Variants in THOC5 observed in about 807,000 individuals in gnomAD.
THOC5 encodes the protein Fms-interacting protein.
THOC5 carries 43 observed loss-of-function variants against 92.9 expected under a neutral mutation model. The observed-to-expected ratio is 0.46, with a 90% CI of 0.36 to 0.60. The LOEUF (loss-of-function observed/expected upper bound fraction) is 0.60, where lower values mean the gene tolerates loss of function less well. Ranked by LOEUF, THOC5 falls within the 20% of genes least tolerant of loss-of-function variation. The pLI is 0.00. For synonymous variants in THOC5, 296 were observed against 320.1 expected (o/e 0.92, Z 0.80); for missense variants, 659 against 849.4 (o/e 0.78, Z 2.79).
intron 12 of THOC5, among the ~76,000 whole-genome samples, chr22:29,521,378 C>A (rs2063438360): frequency 6.6e-6 from 1 of 152,076 alleles, no homozygotes; most frequent in Non-Finnish European, 1.5e-5. Context: ...CTAGAGGTGG[C>A]TTTATATTGT....
intron 5 of THOC5, among the ~76,000 whole-genome samples, chr22:29,540,983 G>A (rs1255764226): frequency 1.3e-5 from 2 of 152,096 alleles, no homozygotes; most frequent in Non-Finnish European, 2.9e-5. Context: ...TTGGGAGGTC[G>A]AAATGGGTGC....
At chr22:29,524,237 A>AC (rs1178873021) in intron 12 of THOC5, among the ~76,000 whole-genome samples, 1 of 152,156 alleles carries the variant, frequency 6.6e-6, no homozygotes, top group African/African-American at 2.4e-5. Flanking sequence ...CCTTGAGGCT[A>AC]CCCCTTAACT....
intron 8 of THOC5, 170 bp downstream of exon 8, chr22:29,531,661 G>C: frequency 7.2e-7 from 1 of 1,397,304 alleles, no homozygotes; most frequent in Non-Finnish European, 9.3e-7. Flanking sequence ...CCTTAGGCCA[G>C]CTGGTCAGAG....
chr22:29,524,757 C>CT (rs1195909568), intron 12 of THOC5, among the ~76,000 whole-genome samples: 2 of 152,092 alleles, frequency 1.3e-5, no homozygotes, highest in Admixed American at 6.6e-5. Context: ...GATGTGGACT[C>CT]TAAGGGCAGT....
chr22:29,512,148 GGA>G lies in THOC5; in HGVS notation c.1682-14_1682-13del, dbSNP rs1422520629. 1.5e-5 allele frequency: 24 copies of G among 1,610,364 alleles called. No homozygotes were observed. The highest frequency in any genetic ancestry group is 2.2e-5 in the South Asian group (2 of 91,002). ...GGCCTGCAGTTTGGCTGGGAAGAGA[GGA>G]GAGAGGGGAAATGCGCAGTTCTAAG... is the stretch of plus-strand genomic sequence containing the variant. On this transcript the variant is annotated splice_polypyrimidine_tract_variant and intron_variant, in intron 17 of 19. Transcript: ENST00000490103.
intron 1 of THOC5, among the ~76,000 whole-genome samples, chr22:29,552,531 G>T (rs2064182372): frequency 6.8e-6 from 1 of 147,384 alleles, no homozygotes; most frequent in Admixed American, 6.7e-5. Context: ...CCGGGAGGTG[G>T]GGGGCAGCCC....
intron 5 of THOC5, among the ~76,000 whole-genome samples, chr22:29,542,094 C>A (rs1284623631): frequency 6.6e-6 from 1 of 151,696 alleles, no homozygotes; most frequent in African/African-American, 2.4e-5. Flanking sequence ...AGGACACTGA[C>A]AAACTGTAGT....
intron 7 of THOC5, among the ~76,000 whole-genome samples, chr22:29,534,156 C>T (rs1029509021): frequency 6.6e-6 from 1 of 152,266 alleles, no homozygotes; most frequent in East Asian, 1.9e-4. Flanking sequence ...AAACATACTG[C>T]TGAACAAAAG....
At chr22:29,518,562 TG>T (rs2063377519) in intron 15 of THOC5, among the ~76,000 whole-genome samples, 1 of 152,190 alleles carries the variant, frequency 6.6e-6, no homozygotes, top group Admixed American at 6.5e-5. Context: ...AGTTGCTCCC[TG>T]GATAGCTATA....
chr22:29,536,429 A>G (rs2063761327), intron 7 of THOC5, 195 bp downstream of exon 7: 1 of 574,650 alleles, frequency 1.7e-6, no homozygotes, highest in East Asian at 2.8e-5. Context: ...CAATGTGTGT[A>G]TATATTCCTG....
intron 12 of THOC5, 106 bp from the exon 13 acceptor site, chr22:29,521,205 G>A (rs1300996664): frequency 2.5e-6 from 2 of 800,750 alleles, no homozygotes; most frequent in African/African-American, 3.4e-5. Flanking sequence ...GATGACCAAT[G>A]CCACCATTTA....
chr22:29,533,922 T>TA (rs2063703729), intron 7 of THOC5, among the ~76,000 whole-genome samples: 1 of 152,174 alleles, frequency 6.6e-6, no homozygotes, highest in Non-Finnish European at 1.5e-5. Flanking sequence ...TAGAAAACTG[T>TA]TTCAGTGTCT....
At chr22:29,540,486 C>G (rs1014062935) in intron 5 of THOC5, among the ~76,000 whole-genome samples, 1 of 152,116 alleles carries the variant, frequency 6.6e-6, no homozygotes, top group African/African-American at 2.4e-5. Flanking sequence ...GCAGCTTGCC[C>G]AAGGTCCACA....
At chr22:29,522,352 T>C (rs566561682) in intron 12 of THOC5, among the ~76,000 whole-genome samples, 1 of 150,820 alleles carries the variant, frequency 6.6e-6, no homozygotes, top group East Asian at 2.0e-4. Context: ...AGAGCGAGAC[T>C]CTGTCTCAAA....
At chr22:29,522,882 T>A (rs1343204209) in intron 12 of THOC5, among the ~76,000 whole-genome samples, 1 of 152,130 alleles carries the variant, frequency 6.6e-6, no homozygotes, top group Non-Finnish European at 1.5e-5. Context: ...GCGCCTGTAG[T>A]CCCAGCTACT....
Position 29,517,072 on chromosome 22 carries a change from C to T in THOC5, c.1638G>A (p.Gly546=). 5 of 1,614,090 alleles carry T rather than the reference C, an allele frequency of 3.1e-6. No homozygotes were observed. Among genetic ancestry groups the T allele is most frequent in the South Asian group, 1.1e-5 (1 of 91,074 alleles). Residue 546 remains glycine (G), a synonymous_variant, in exon 17 of 20, where the codon GGG becomes GGA. Coordinates refer to ENST00000490103, the MANE Select transcript of THOC5 (RefSeq NM_003678.5). The part of the protein sequence containing the change: ...TKDIVDAGLA[G]DTNLYYMALI... ...GCGCCATGTAGTAGAGATTGGTGTC[C>T]CCAGCCAGTCCCGCATCCACAATGT...
At chr22:29,544,330 C>A in intron 3 of THOC5, 130 bp downstream of exon 3, 1 of 891,606 alleles carries the variant, frequency 1.1e-6, no homozygotes, top group South Asian at 3.0e-5. Context: ...GTTTTGGGAG[C>A]CCTCAGGCTC....
intron 5 of THOC5, among the ~76,000 whole-genome samples, chr22:29,541,506 CAAA>C (rs34069596): frequency 1.2e-4 from 11 of 88,828 alleles, no homozygotes; most frequent in Admixed American, 1.3e-4. Context: ...GACCCTGTCT[CAAA>C]AAAAAAAAAA....
chr22:29,529,155 A>G lies in THOC5; in HGVS notation c.925+7T>C, dbSNP rs367604894. ...CCCTGGGGGACGAATCCCAACCACC[A>G]CATTACCTTGGGAGTCCTCTGGAGG... On this transcript the variant is annotated splice_region_variant and intron_variant, in intron 9 of 19. Coordinates refer to ENST00000490103, the MANE Select transcript of THOC5 (RefSeq NM_003678.5). The G allele has an allele frequency of 6.7e-5, 108 of 1,613,990 alleles. No individual in the cohort carries two copies. The highest frequency in any genetic ancestry group is 4.0e-4 in the Admixed American group (24 of 60,002).
Sources: allele counts gnomAD v4.1 joint callset (sites outside exome capture counted in the v4.1 genomes callset), GRCh38; gene constraint gnomAD v4.1.1; transcripts MANE v1.5; gene names NCBI Gene and HGNC (gene_info 2026-07-23, HGNC 2026-07-21).